Variants in SCAPER observed in about 807,000 individuals in gnomAD.
SCAPER encodes S phase cyclin A-associated protein in the endoplasmic reticulum.
SCAPER carries 98 observed loss-of-function variants against 182.2 expected under a neutral mutation model. The observed-to-expected ratio is 0.54, with a 90% CI of 0.46 to 0.64. The LOEUF is 0.64. Ranked by LOEUF, SCAPER falls within the 30% of genes least tolerant of loss-of-function variation. The probability of loss-of-function intolerance (pLI) is 0.00; values close to 1 mark genes in which losing one functional copy is unlikely to be tolerated. For synonymous variants in SCAPER, 605 were observed against 564.6 expected, an observed-to-expected ratio of 1.07 and a Z score of -1.01; for missense variants, 1,432 against 1,690.0, an observed-to-expected ratio of 0.85 and a Z score of 2.68.
At chr15:76,675,126 A>G (rs1009694677) in intron 20 of SCAPER, among the ~76,000 whole-genome samples, 2 of 152,248 alleles carry the variant, frequency 1.3e-5, no homozygotes, top group African/African-American at 4.8e-5. Flanking sequence ...GAGGTTCATC[A>G]TACTATTCTG....
chr15:76,753,378 C>T (rs530113686), intron 15 of SCAPER, among the ~76,000 whole-genome samples: 3 of 151,932 alleles, frequency 2.0e-5, no homozygotes, highest in South Asian at 2.1e-4. Context: ...ACAATAGATA[C>T]TGTATGATTC....
At position 76,867,548 on chromosome 15, in the gene SCAPER, G is replaced by A. The variant is rs533345748; in HGVS notation, c.7-5015C>T. Among the ~76,000 whole-genome samples the A allele has an allele frequency of 2.0e-5, 3 of 152,262 alleles. No homozygotes were observed. In the East Asian group the frequency reaches 5.8e-4, roughly 29 times the overall value. On this transcript the variant is annotated intron_variant, in intron 2 of 31. Transcript: ENST00000563290. ...TAAAACCATAGATGAACTAAGGATG[G>A]CTAAACTATTATAAGGGGGAAACAA...
chr15:76,593,049 G>C (rs1352871825), intron 22 of SCAPER, among the ~76,000 whole-genome samples: 1 of 120,178 alleles, frequency 8.3e-6, no homozygotes, highest in African/African-American at 2.5e-5. Context: ...CCCCACAGAG[G>C]CCAGCAAGCT....
intron 1 of SCAPER, among the ~76,000 whole-genome samples, chr15:76,903,062 A>C (rs1280582118): frequency 1.6e-5 from 1 of 61,062 alleles, no homozygotes; most frequent in African/African-American, 3.2e-5. Flanking sequence ...CTCGGTTTCA[A>C]AAAAAAAAAA....
chr15:76,534,518 T>G (rs1231581138), intron 23 of SCAPER, among the ~76,000 whole-genome samples: 1 of 152,228 alleles, frequency 6.6e-6, no homozygotes, highest in Non-Finnish European at 1.5e-5. Context: ...CAGTTTTAAA[T>G]TAGAGCACAA....
chr15:76,430,039 A>C (rs911240222), intron 26 of SCAPER, among the ~76,000 whole-genome samples: 1 of 152,218 alleles, frequency 6.6e-6, no homozygotes, highest in Non-Finnish European at 1.5e-5. Context: ...GGGCCAAGAT[A>C]CAGCTTGGGC....
intron 22 of SCAPER, among the ~76,000 whole-genome samples, chr15:76,605,200 A>G (rs1468669496): frequency 6.6e-6 from 1 of 152,228 alleles, no homozygotes; most frequent in Non-Finnish European, 1.5e-5. Flanking sequence ...ACGACCCATC[A>G]ATACCTAACT....
intron 22 of SCAPER, among the ~76,000 whole-genome samples, chr15:76,578,290 C>T (rs746592131): frequency 4.6e-5 from 7 of 152,130 alleles, no homozygotes; most frequent in Admixed American, 1.3e-4. Flanking sequence ...CTGCACTGAA[C>T]GGAAATACAT....
At chr15:76,397,336 TAGAA>T (rs966237976) in intron 27 of SCAPER, among the ~76,000 whole-genome samples, 57 of 152,296 alleles carry the variant, frequency 3.7e-4, no homozygotes, top group African/African-American at 1.3e-3. Flanking sequence ...ACTGGCCTTG[TAGAA>T]AGAGTTTGGA....
intron 26 of SCAPER, among the ~76,000 whole-genome samples, chr15:76,411,538 A>AT: frequency 6.6e-6 from 1 of 152,298 alleles, no homozygotes; most frequent in African/African-American, 2.4e-5. Flanking sequence ...TGATGGATGT[A>AT]TATGTTATTT....
intron 23 of SCAPER, among the ~76,000 whole-genome samples, chr15:76,517,469 C>A (rs576152692): frequency 1.3e-5 from 2 of 151,884 alleles, no homozygotes; most frequent in Non-Finnish European, 2.9e-5. Flanking sequence ...CCTGCCTCAG[C>A]CTCCCAGGTA....
rs1598989907 is a variant in SCAPER, at chr15:76,833,892, A to G, written c.393+7842T>C. On this transcript the variant is annotated intron_variant, in intron 5 of 31. Coordinates refer to ENST00000563290, the MANE Select transcript of SCAPER (RefSeq NM_020843.4). Reference sequence around the variant, plus strand: ...CTCAGAGACCTATGAAGAGACTTAGATAACCACACATAACAATAGAAGATT... The same window carrying G: ...CTCAGAGACCTATGAAGAGACTTAGGTAACCACACATAACAATAGAAGATT... 2.0e-5 allele frequency among the ~76,000 whole-genome samples: 3 copies of G among 152,382 alleles called. No homozygotes were observed. In the South Asian group the frequency reaches 6.2e-4, roughly 32 times the overall value.
chr15:76,571,706 C>T (rs1382005913), intron 23 of SCAPER, among the ~76,000 whole-genome samples: 6 of 152,186 alleles, frequency 3.9e-5, no homozygotes. Flanking sequence ...TGCCCAAGTT[C>T]CACCATCCTA....
At chr15:76,695,988 CAGA>C (rs2147189064) in intron 20 of SCAPER, among the ~76,000 whole-genome samples, 1 of 152,280 alleles carries the variant, frequency 6.6e-6, no homozygotes, top group Admixed American at 6.5e-5. Context: ...GGAAAAAAAC[CAGA>C]AGATTTATTT....
At chr15:76,518,488 C>T (rs2042605587) in intron 23 of SCAPER, among the ~76,000 whole-genome samples, 1 of 152,114 alleles carries the variant, frequency 6.6e-6, no homozygotes, top group African/African-American at 2.4e-5. Flanking sequence ...AGTACTGGGT[C>T]TGCTTAATTT....
intron 20 of SCAPER, among the ~76,000 whole-genome samples, chr15:76,696,219 G>A (rs555699742): frequency 6.6e-5 from 10 of 152,234 alleles, no homozygotes; most frequent in Non-Finnish European, 1.0e-4. Context: ...AATGCCAGGC[G>A]CACCCTGGCC....
chr15:76,672,193 T>C (rs1598067323), intron 20 of SCAPER, among the ~76,000 whole-genome samples: 1 of 152,268 alleles, frequency 6.6e-6, no homozygotes, highest in East Asian at 1.9e-4. Flanking sequence ...ACTTCAGAAC[T>C]CAAGCCACTA....
intron 23 of SCAPER, among the ~76,000 whole-genome samples, chr15:76,532,544 G>T (rs1567370727): frequency 6.6e-6 from 1 of 152,024 alleles, no homozygotes; most frequent in African/African-American, 2.4e-5. Context: ...ATTCAAGTCT[G>T]CAGGCTAATG....
At chr15:76,483,145 T>C (rs902375818) in intron 24 of SCAPER, among the ~76,000 whole-genome samples, 2 of 151,754 alleles carry the variant, frequency 1.3e-5, no homozygotes, top group Non-Finnish European at 2.9e-5. Context: ...GTGAAAAAAA[T>C]AGACACATAG....
Sources: gnomAD v4.1 joint callset for allele counts (sites outside exome capture counted in the v4.1 genomes callset) on GRCh38, gnomAD v4.1.1 for gene constraint, MANE v1.5 for transcripts, NCBI Gene and HGNC (gene_info 2026-07-23, HGNC 2026-07-21) for gene names.